The following GTF3C4 variants were observed in gnomAD, a reference collection of about 807,000 sequenced individuals.
GTF3C4 encodes general transcription factor IIIC subunit 4.
In GTF3C4, 28 loss-of-function variants were observed where a neutral mutation model predicts 67.5. That is an observed-to-expected ratio of 0.41 (90% confidence interval 0.31 to 0.57). The LOEUF is 0.57. GTF3C4 is among the 20% of genes least tolerant of loss of function. GTF3C4 has a pLI of 0.21. For synonymous variants in GTF3C4, 409 were observed against 393.0 expected (o/e 1.04, Z -0.48); for missense variants, 831 against 1,033.2 (o/e 0.80, Z 2.68).
chr9:132,679,819 C>A lies in GTF3C4; in HGVS notation c.2184+16C>A. The A allele has an allele frequency of 6.5e-7, 1 of 1,544,296 alleles. No individual in the cohort carries two copies. Among genetic ancestry groups the A allele is most frequent in the African/African-American group, 1.4e-5 (1 of 72,402 alleles). Reference sequence around the variant, plus strand: ...AACTGCACGGGTAGGTGTTTATTAACAAAAACTCTGAAATTGTAAAGCCTG... The same window carrying A: ...AACTGCACGGGTAGGTGTTTATTAAAAAAAACTCTGAAATTGTAAAGCCTG... On this transcript the variant is annotated intron_variant, in intron 2 of 4. Transcript: ENST00000372146. The surrounding 1 kb of genome is among the most constrained non-coding windows in gnomAD (Gnocchi z 5.9).
rs1247338555 is a variant in GTF3C4 at position 132,692,208 on chromosome 9, C to A, written c.*3263C>A. On this transcript the variant is annotated 3_prime_UTR_variant, in exon 5 of 5. Coordinates refer to ENST00000372146, the MANE Select transcript of GTF3C4 (RefSeq NM_012204.4). ...TTGGTTTCCATTCCTTTAGTTCCCTCTGCTTTAGAACACAGATTACATGTT... is the reference window on the plus strand; with the variant it reads ...TTGGTTTCCATTCCTTTAGTTCCCTATGCTTTAGAACACAGATTACATGTT... The A allele has an allele frequency of 6.6e-6, 1 of 152,166 alleles. No individual in the cohort carries two copies. The highest frequency in any genetic ancestry group is 2.4e-5 in the African/African-American group (1 of 41,424). 9.4% of individuals were successfully genotyped at this position (152,166 alleles called of 1,614,324 possible).
chr9:132,671,335 T>C (rs1835751709), intron 1 of GTF3C4, among the ~76,000 whole-genome samples: 2 of 152,102 alleles, frequency 1.3e-5, no homozygotes, highest in Non-Finnish European at 2.9e-5. Flanking sequence ...CTGTCGTTGC[T>C]GCTATTGTTT....
At chr9:132,676,108 C>G (rs1835861349) in intron 1 of GTF3C4, among the ~76,000 whole-genome samples, 2 of 151,616 alleles carry the variant, frequency 1.3e-5, no homozygotes, top group African/African-American at 4.8e-5. Context: ...ACCGTGTTAG[C>G]CAGGATGGTC....
In GTF3C4 at chr9:132,678,074, A is replaced by G. The variant is rs1297679561; in HGVS notation, c.455A>G (p.Asn152Ser). 6.2e-7 allele frequency: 1 copy of G among 1,614,202 alleles called. No individual in the cohort carries two copies. The highest frequency in any genetic ancestry group is 2.2e-5 in the East Asian group (1 of 44,882). The stretch of plus-strand genomic sequence containing the variant: ...ACTTTCATGTTGGATAGGGTGTTCA[A>G]CCCTGAGGGGAAGGCTTTACCACCA... Reference protein sequence around the residue: ...SQTFMLDRVFNPEGKALPPMR... With the variant: ...SQTFMLDRVFSPEGKALPPMR... Residue 152 changes from asparagine (N) to serine (S), a missense_variant, in exon 2 of 5, where the codon AAC becomes AGC. By Grantham distance (46) the Asn-to-Ser change is conservative. Coordinates refer to ENST00000372146, the MANE Select transcript of GTF3C4 (RefSeq NM_012204.4). This position sits in a 1 kb window ranked among gnomAD's most constrained non-coding sequence, Gnocchi z 6.5.
chr9:132,673,557 ATG>A (rs1835820894), intron 1 of GTF3C4, among the ~76,000 whole-genome samples: 1 of 152,214 alleles, frequency 6.6e-6, no homozygotes, highest in Non-Finnish European at 1.5e-5. Flanking sequence ...GACGGTAGGA[ATG>A]TAAAGAAGTC....
chr9:132,684,445 G>C (rs1459299733), intron 3 of GTF3C4, among the ~76,000 whole-genome samples: 2 of 151,922 alleles, frequency 1.3e-5, no homozygotes, highest in Admixed American at 1.3e-4. Context: ...TTCCATCCTT[G>C]CCCCTCCAGT....
Position 132,693,542 on chromosome 9 carries a change from G to GA in GTF3C4, c.*4600dup. ...TGCTAAAATAAGGTATAGGCTAAGTGAAATACTGTAAATGGGTTGGTTAGA... is the reference window on the plus strand; with the variant it reads ...TGCTAAAATAAGGTATAGGCTAAGTGAAAATACTGTAAATGGGTTGGTTAGA... On this transcript the variant is annotated 3_prime_UTR_variant, in exon 5 of 5. Coordinates refer to ENST00000372146, the MANE Select transcript of GTF3C4 (RefSeq NM_012204.4). 1 of 152,212 alleles carries GA rather than the reference G, an allele frequency of 6.6e-6. No individual in the cohort carries two copies. Among genetic ancestry groups the GA allele is most frequent in the Non-Finnish European group, 1.5e-5 (1 of 68,020 alleles). The allele number at this position is 152,212 out of a possible 1,614,324, so 9.4% of individuals were successfully genotyped here. A position where few individuals can be genotyped will look rare whatever the true frequency, so the allele number is the denominator to read the frequency against.
intron 3 of GTF3C4, 35 bp from the exon 4 acceptor site, chr9:132,687,204 C>T (rs748584283): frequency 8.6e-7 from 1 of 1,165,436 alleles, no homozygotes; most frequent in South Asian, 1.2e-5. Context: ...TAGAGCAAAC[C>T]CTCTCCCTTG....
intron 4 of GTF3C4, among the ~76,000 whole-genome samples, chr9:132,688,308 G>T (rs1836061440): frequency 6.6e-6 from 1 of 152,230 alleles, no homozygotes; most frequent in Non-Finnish European, 1.5e-5. Context: ...TAATGGATAT[G>T]CTGCTTAGGC....
chr9:132,688,425 C>T (rs982963851), intron 4 of GTF3C4, among the ~76,000 whole-genome samples: 1 of 152,174 alleles, frequency 6.6e-6, no homozygotes, highest in African/African-American at 2.4e-5. Flanking sequence ...CTAAGAAGAG[C>T]ACTGGAGTAG....
chr9:132,682,286 T>C (rs1426088196), intron 2 of GTF3C4, among the ~76,000 whole-genome samples: 2 of 152,144 alleles, frequency 1.3e-5, no homozygotes, highest in Non-Finnish European at 2.9e-5. Context: ...ATTAATGGGA[T>C]TTAAATTTGT....
In GTF3C4 at chr9:132,679,732, A is replaced by T. The variant is rs1835913592; in HGVS notation, c.2113A>T (p.Thr705Ser). The T allele has an allele frequency of 6.2e-7, 1 of 1,613,952 alleles. No individual in the cohort carries two copies. Residue 705 changes from threonine (T) to serine (S), a missense_variant, in exon 2 of 5, where the codon ACT (threonine) becomes TCT (serine). Physicochemically the swap from Thr to Ser is moderately conservative, Grantham distance 58. This residue lies in a region of GTF3C4 where 129 missense variants were observed against 213.8 expected (regional missense o/e 0.60). Coordinates refer to ENST00000372146, the MANE Select transcript of GTF3C4 (RefSeq NM_012204.4). This position sits in a 1 kb window ranked among gnomAD's most constrained non-coding sequence, Gnocchi z 5.9. ...VYLHTWITEN[T>S]SIPTRGLCNF... ...TCTGCACACCTGGATCACAGAAAAC[A>T]CTAGCATCCCCACCCGCGGACTCTG...
Position 132,678,972 on chromosome 9 carries a change from T to G in GTF3C4, c.1353T>G (p.Ile451Met). 1 of 1,614,214 alleles carries G rather than the reference T, an allele frequency of 6.2e-7. No individual in the cohort carries two copies. The highest frequency in any genetic ancestry group is 2.2e-5 in the East Asian group (1 of 44,888). The change falls in exon 2 of 5, where the codon ATT becomes ATG. Residue 451 changes from isoleucine to methionine, a missense_variant. Transcript: ENST00000372146. The surrounding 1 kb of genome is among the most constrained non-coding windows in gnomAD (Gnocchi z 6.5). ...GTGACGGAAAGGTGAGGCAGCTGAT[T>G]CCCATTTTCACAGATGTTGCATTGA... ...CSSDGKVRQL[I>M]PIFTDVALKF...
At position 132,694,116 on chromosome 9, in the gene GTF3C4, A is replaced by G. The variant is rs571535818; in HGVS notation, c.*5171A>G. 1 of 149,866 alleles carries G rather than the reference A, an allele frequency of 6.7e-6. No individual in the cohort carries two copies. The highest frequency in any genetic ancestry group is 2.1e-4 in the South Asian group (1 of 4,736). 9.3% of individuals were successfully genotyped at this position (149,866 alleles called of 1,614,324 possible). A position where few individuals can be genotyped will look rare whatever the true frequency, so the allele number is the denominator to read the frequency against. ...AATGTTTTATAGACTTTTGGTGTTG[A>G]AAAAAAAAAGTTTGATAACAATGCA... is the stretch of plus-strand genomic sequence containing the variant. On this transcript the variant is annotated 3_prime_UTR_variant, in exon 5 of 5. Transcript: ENST00000372146.
At chr9:132,685,331 C>G (rs1223520593) in intron 3 of GTF3C4, among the ~76,000 whole-genome samples, 1 of 151,968 alleles carries the variant, frequency 6.6e-6, no homozygotes, top group Non-Finnish European at 1.5e-5. Flanking sequence ...AAATTTTTAA[C>G]AAGATTGTGC....
Position 132,692,217 on chromosome 9 carries a change from AAC to A in GTF3C4, c.*3276_*3277del, listed in dbSNP as rs959688084. ...ATTCCTTTAGTTCCCTCTGCTTTAGAACACAGATTACATGTTGGAAAGAAAAA... is the reference window on the plus strand; with the variant it reads ...ATTCCTTTAGTTCCCTCTGCTTTAGAACAGATTACATGTTGGAAAGAAAAA... On this transcript the variant is annotated 3_prime_UTR_variant, in exon 5 of 5. Transcript: ENST00000372146. 6 of 152,198 alleles carry A rather than the reference AAC, an allele frequency of 3.9e-5. No individual in the cohort carries two copies. Among genetic ancestry groups the A allele is most frequent in the African/African-American group, 1.4e-4 (6 of 41,446 alleles). The allele number at this position is 152,198 out of a possible 1,614,324, so 9.4% of individuals were successfully genotyped here.
chr9:132,683,739 G>A (rs1835983249), intron 3 of GTF3C4, 46 bp downstream of exon 3: 7 of 1,577,380 alleles, frequency 4.4e-6, no homozygotes, highest in Non-Finnish European at 6.0e-6. Context: ...TTTCAGTTTT[G>A]TGTAGCACAA....
intron 3 of GTF3C4, among the ~76,000 whole-genome samples, chr9:132,684,437 C>T (rs1258121680): frequency 1.3e-5 from 2 of 152,310 alleles, no homozygotes; most frequent in East Asian, 3.9e-4. Context: ...CTTCCCACTT[C>T]CATCCTTGCC....
intron 1 of GTF3C4, among the ~76,000 whole-genome samples, chr9:132,674,209 C>T (rs544309103): frequency 6.6e-6 from 1 of 152,310 alleles, no homozygotes; most frequent in South Asian, 2.1e-4. Flanking sequence ...ACCGCAATTA[C>T]TTTTGCACCA....
Sources: allele counts gnomAD v4.1 joint callset (sites outside exome capture counted in the v4.1 genomes callset), GRCh38; gene constraint gnomAD v4.1.1; regional missense constraint gnomAD v4.1.1; non-coding constraint Gnocchi (gnomAD v3.1); transcripts MANE v1.5; gene names NCBI Gene and HGNC (gene_info 2026-07-23, HGNC 2026-07-21).